MEGF10: variants seen among roughly 807,000 people sequenced by gnomAD.
MEGF10 encodes multiple EGF like domains 10, also known as multiple epidermal growth factor-like domains protein 10.
In MEGF10, 86 loss-of-function variants were observed where a neutral mutation model predicts 147.5. The ratio of observed to expected loss-of-function variants is 0.58; its 90% CI spans 0.49 to 0.70. The LOEUF is 0.70. Ranked by LOEUF, MEGF10 falls within the 30% of genes least tolerant of loss-of-function variation. The pLI is 0.00. For missense variants in MEGF10, 1,329 were observed against 1,487.3 expected (o/e 0.89, Z 1.75); for synonymous variants, 478 against 525.5 (o/e 0.91, Z 1.24).
chr5:127,230,445 C>T, the MEGF10 span, among the ~76,000 whole-genome samples: 1 of 152,064 alleles, frequency 6.6e-6, no homozygotes, highest in Non-Finnish European at 1.5e-5. Flanking sequence ...CAGGACTAAG[C>T]GACCACCCCA....
chr5:127,312,743 C>T (rs1466421430), intron 1 of MEGF10, among the ~76,000 whole-genome samples: 1 of 152,102 alleles, frequency 6.6e-6, no homozygotes, highest in African/African-American at 2.4e-5. Context: ...ACAGTTTTAG[C>T]TTTTGTGTGC....
intron 1 of MEGF10, among the ~76,000 whole-genome samples, chr5:127,295,432 C>T (rs1276028620): frequency 6.6e-6 from 1 of 152,180 alleles, no homozygotes; most frequent in Non-Finnish European, 1.5e-5. Flanking sequence ...ATAACTTCTA[C>T]CTTTGTCTTA....
intron 5 of MEGF10, among the ~76,000 whole-genome samples, chr5:127,375,550 C>T (rs1762993555): frequency 6.6e-6 from 1 of 152,196 alleles, no homozygotes; most frequent in African/African-American, 2.4e-5. Context: ...ATGTGTTTTA[C>T]CTTTATTGGC....
the MEGF10 span, among the ~76,000 whole-genome samples, chr5:127,254,672 G>T: frequency 6.6e-6 from 1 of 151,532 alleles, no homozygotes; most frequent in Non-Finnish European, 1.5e-5. Context: ...TTAGCCGGGT[G>T]TGGTGGTGCA....
At chr5:127,392,584 C>T (rs1763744829) in intron 5 of MEGF10, among the ~76,000 whole-genome samples, 4 of 152,178 alleles carry the variant, frequency 2.6e-5, no homozygotes, top group Non-Finnish European at 5.9e-5. Flanking sequence ...GAAGCCTGTG[C>T]TCTTTATTTT....
the MEGF10 span, among the ~76,000 whole-genome samples, chr5:127,262,869 T>C: frequency 1.3e-5 from 2 of 152,292 alleles, no homozygotes; most frequent in Middle Eastern, 3.4e-3. Flanking sequence ...TTGGTAGAGA[T>C]GAGGAAAATT....
chr5:127,252,027 C>T, the MEGF10 span, among the ~76,000 whole-genome samples: 1 of 151,898 alleles, frequency 6.6e-6, no homozygotes, highest in Non-Finnish European at 1.5e-5. Context: ...TATTCAACCT[C>T]ATTGGTAATC....
chr5:127,384,331 T>C (rs935977491), intron 5 of MEGF10, among the ~76,000 whole-genome samples: 1 of 152,190 alleles, frequency 6.6e-6, no homozygotes, highest in Non-Finnish European at 1.5e-5. Context: ...GAATAAATGA[T>C]CAACAGAATA....
intron 6 of MEGF10, among the ~76,000 whole-genome samples, chr5:127,398,171 A>G (rs998699955): frequency 6.6e-6 from 1 of 152,098 alleles, no homozygotes; most frequent in African/African-American, 2.4e-5. Flanking sequence ...GCCATGGCAC[A>G]TGTACACCTA....
upstream of MEGF10, among the ~76,000 whole-genome samples, chr5:127,287,780 G>T (rs927620088): frequency 4.6e-5 from 7 of 151,874 alleles, no homozygotes; most frequent in Admixed American, 1.3e-4. Context: ...AAGCTGAAGA[G>T]TTGAACAAAT....
At chr5:127,433,624 C>A in intron 14 of MEGF10, 115 bp downstream of exon 14, 1 of 1,255,456 alleles carries the variant, frequency 8.0e-7, no homozygotes, top group Non-Finnish European at 1.1e-6. Flanking sequence ...CAGTTGAAGG[C>A]AAAAGAGAGT....
intron 1 of MEGF10, among the ~76,000 whole-genome samples, chr5:127,300,694 G>A (rs1015629571): frequency 6.6e-6 from 1 of 152,090 alleles, no homozygotes; most frequent in Admixed American, 6.5e-5. Flanking sequence ...TGGGAAACTG[G>A]AAACTCTCAC....
chr5:127,384,513 C>T (rs1368168839), intron 5 of MEGF10, among the ~76,000 whole-genome samples: 2 of 152,162 alleles, frequency 1.3e-5, no homozygotes, highest in African/African-American at 4.8e-5. Flanking sequence ...AATATGTTGT[C>T]ATAGAGACAC....
chr5:127,391,004 G>A (rs1475391718), intron 5 of MEGF10, among the ~76,000 whole-genome samples: 4 of 151,976 alleles, frequency 2.6e-5, no homozygotes, highest in African/African-American at 9.7e-5. Flanking sequence ...CTGTGGGCAT[G>A]CTAAGGTATT....
At chr5:127,380,068 T>TTG (rs1002180016) in intron 5 of MEGF10, among the ~76,000 whole-genome samples, 8 of 10,446 alleles carry the variant, frequency 7.7e-4, no homozygotes, top group South Asian at 7.6e-3. Context: ...TGTTAACTTG[T>TTG]TTTTTTTTTT....
At chr5:127,376,985 G>T (rs897094177) in intron 5 of MEGF10, among the ~76,000 whole-genome samples, 34 of 152,092 alleles carry the variant, frequency 2.2e-4, no homozygotes, top group Non-Finnish European at 3.1e-4. Flanking sequence ...AGGAGACAGG[G>T]GCAGATGACA....
the MEGF10 span, among the ~76,000 whole-genome samples, chr5:127,264,570 T>C: frequency 6.6e-6 from 1 of 152,274 alleles, no homozygotes; most frequent in East Asian, 1.9e-4. Context: ...TCTCTCTGTG[T>C]CTTCGTTCTG....
intron 4 of MEGF10, among the ~76,000 whole-genome samples, chr5:127,359,292 T>C (rs1319595539): frequency 1.3e-5 from 2 of 151,516 alleles, no homozygotes; most frequent in African/African-American, 2.4e-5. Context: ...TTTTTTTTTT[T>C]CTCTATGGAG....
chr5:127,441,511 C>T (rs1765756313), intron 18 of MEGF10, among the ~76,000 whole-genome samples: 2 of 152,128 alleles, frequency 1.3e-5, no homozygotes, highest in Non-Finnish European at 1.5e-5. Flanking sequence ...GCTATGCATC[C>T]CCTCACAGAG....
Sources: allele counts gnomAD v4.1 joint callset (sites outside exome capture counted in the v4.1 genomes callset), GRCh38; gene constraint gnomAD v4.1.1; transcripts MANE v1.5; gene names NCBI Gene and HGNC (gene_info 2026-07-23, HGNC 2026-07-21).